The following CENPF variants were observed in gnomAD, a reference collection of about 807,000 sequenced individuals.
The protein encoded by CENPF is centromere protein F.
Under a neutral mutation model 307.3 loss-of-function variants are expected in CENPF, and 214 were observed. The observed-to-expected ratio is 0.70, with a 90% CI of 0.62 to 0.78. The LOEUF (loss-of-function observed/expected upper bound fraction) is 0.78. Among genes scored for constraint, CENPF ranks in the 30% least tolerant of loss-of-function variants. CENPF has a pLI of 0.00. For synonymous variants in CENPF, 1,259 were observed against 1,270.6 expected, an observed-to-expected ratio of 0.99 and a Z score of 0.19; for missense variants, 3,401 against 3,483.9, an observed-to-expected ratio of 0.98 and a Z score of 0.60.
chr1:214,622,743 A>AGAAAAAGGCCAGGCACCCGTGGTTTAC (rs1558174130), intron 7 of CENPF, among the ~76,000 whole-genome samples: 12 of 131,178 alleles, frequency 9.1e-5, no homozygotes, highest in African/African-American at 4.3e-4. Flanking sequence ...AGGGGGAAAA[A>AGAAAAAGGCCAGGCACCCGTGGTTTAC]AGATCGTATA....
At position 214,641,915 on chromosome 1, in the gene CENPF, C is replaced by T; in HGVS notation, c.3577C>T (p.Gln1193Ter). 1 of 1,591,718 alleles carries T rather than the reference C, an allele frequency of 6.3e-7. No individual in the cohort carries two copies. Among genetic ancestry groups the T allele is most frequent in the Non-Finnish European group, 8.5e-7 (1 of 1,173,126 alleles). The change falls in exon 12 of 20, where the codon CAG becomes TAG. Residue 1193 changes from glutamine (Q) to a stop codon, truncating the protein, a stop_gained. Transcript: ENST00000366955. LOFTEE classifies it high-confidence loss of function. ...SERNQCNFKP[Q>*]MDLEVKEISL... ...GAGAAATCAATGTAATTTTAAACCT[C>T]AGATGGATCTTGAAGTTAAAGAAAT...
intron 12 of CENPF, among the ~76,000 whole-genome samples, chr1:214,643,797 C>T (rs988820691): frequency 1.3e-5 from 2 of 152,202 alleles, no homozygotes; most frequent in African/African-American, 2.4e-5. Flanking sequence ...ACAGTTTTCT[C>T]TCTAACAATT....
chr1:214,641,566 A>G lies in CENPF; in HGVS notation c.3228A>G (p.Glu1076=), dbSNP rs776849517. The change falls in exon 12 of 20, where the codon GAA becomes GAG. Residue 1076 remains glutamate, a synonymous_variant. Coordinates refer to ENST00000366955, the MANE Select transcript of CENPF (RefSeq NM_016343.4). ...AAAATGAGTTGGAACAGCTAAAGGA[A>G]GCATTTGCAAAGGAACACCAAGAAT... is the stretch of plus-strand genomic sequence containing the variant. ...NRKNELEQLK[E]AFAKEHQEFL... 1 of 1,531,614 alleles carries G rather than the reference A, an allele frequency of 6.5e-7. No individual in the cohort carries two copies. The highest frequency in any genetic ancestry group is 8.7e-7 in the Non-Finnish European group (1 of 1,145,678). The allele number at this position is 1,531,614 out of a possible 1,614,324, so 94.9% of individuals were successfully genotyped here. A position where few individuals can be genotyped will look rare whatever the true frequency, so the allele number is the denominator to read the frequency against.
At chr1:214,606,230 C>T (rs995751649) in intron 1 of CENPF, among the ~76,000 whole-genome samples, 1 of 152,172 alleles carries the variant, frequency 6.6e-6, no homozygotes, top group Non-Finnish European at 1.5e-5. Context: ...ACACCAGTCC[C>T]GAGGGCCACC....
At position 214,641,056 on chromosome 1, in the gene CENPF, T is replaced by A. The variant is rs1658098147; in HGVS notation, c.2718T>A (p.Leu906=). Residue 906 remains leucine (L), a synonymous_variant, in exon 12 of 20, where the codon CTT becomes CTA. Coordinates refer to ENST00000366955, the MANE Select transcript of CENPF (RefSeq NM_016343.4). ...TTGTTGCTGAAACCTTAAGTGCCCT[T>A]GAGAACAAGGAAAAAGAGCTGCAAC... is the stretch of plus-strand genomic sequence containing the variant. ...QNVVAETLSA[L]ENKEKELQLL... 1.9e-6 allele frequency: 3 copies of A among 1,563,720 alleles called. No homozygotes were observed. The highest frequency in any genetic ancestry group is 2.6e-6 in the Non-Finnish European group (3 of 1,163,756).
intron 1 of CENPF, among the ~76,000 whole-genome samples, chr1:214,603,998 C>T (rs142834255): frequency 3.5e-4 from 54 of 152,190 alleles, no homozygotes; most frequent in African/African-American, 1.2e-3. Flanking sequence ...GCCTGTGTGC[C>T]CGGCTCGGCT....
chr1:214,619,311 A>G, intron 5 of CENPF, 91 bp downstream of exon 5: 1 of 677,878 alleles, frequency 1.5e-6, no homozygotes, highest in South Asian at 2.1e-5. Flanking sequence ...TCTGTTTTAC[A>G]TAGAGCTGGC....
intron 19 of CENPF, among the ~76,000 whole-genome samples, 197 bp from the exon 20 acceptor site, chr1:214,663,394 G>A (rs1658834279): frequency 1.3e-5 from 2 of 152,172 alleles, no homozygotes; most frequent in African/African-American, 2.4e-5. Flanking sequence ...CTGATGACTG[G>A]TTAGAGGTTG....
At chr1:214,604,621 C>T (rs1284032633) in intron 1 of CENPF, among the ~76,000 whole-genome samples, 3 of 152,182 alleles carry the variant, frequency 2.0e-5, no homozygotes, top group Non-Finnish European at 4.4e-5. Context: ...TTGGCTATAG[C>T]ATCTTGATGT....
chr1:214,625,093 T>A (rs1344461561), intron 7 of CENPF, among the ~76,000 whole-genome samples: 1 of 152,216 alleles, frequency 6.6e-6, no homozygotes, highest in Admixed American at 6.5e-5. Context: ...CCACTCCAGC[T>A]TTCCTTTGAT....
intron 1 of CENPF, chr1:214,605,629 T>G (rs1013199622): frequency 6.7e-6 from 10 of 1,490,100 alleles, no homozygotes; most frequent in Middle Eastern, 2.3e-4. Context: ...CGGGGTGAGG[T>G]CCGGGGGCTG....
rs747538970 is a variant in CENPF at position 214,658,888 on chromosome 1, A to G, written c.9001A>G (p.Ile3001Val). 2.5e-6 allele frequency: 4 copies of G among 1,613,942 alleles called. No individual in the cohort carries two copies. Among genetic ancestry groups the G allele is most frequent in the Middle Eastern group, 1.6e-4 (1 of 6,082 alleles). ...CCCGACAGGAAAGACTAGCCCATAT[A>G]TCCTGCGAAGAACAACCATGGCAAC... is the stretch of plus-strand genomic sequence containing the variant. ...DIPTGKTSPYILRRTTMATRT... is the reference protein window; with the variant it reads ...DIPTGKTSPYVLRRTTMATRT... The change falls in exon 19 of 20, where the codon ATC (isoleucine) becomes GTC (valine). Residue 3001 changes from isoleucine (I) to valine (V), a missense_variant. Physicochemically the swap from Ile to Val is conservative, Grantham distance 29. Coordinates refer to ENST00000366955, the MANE Select transcript of CENPF (RefSeq NM_016343.4).
chr1:214,612,588 G>A (rs984359126), intron 1 of CENPF, among the ~76,000 whole-genome samples: 1 of 152,078 alleles, frequency 6.6e-6, no homozygotes, highest in African/African-American at 2.4e-5. Context: ...GAAGGCAGAG[G>A]CCCCAGGCCA....
rs1015656360 is a variant in CENPF at position 214,640,364 on chromosome 1, A to G, written c.2026A>G (p.Ser676Gly). 2 of 1,614,004 alleles carry G rather than the reference A, an allele frequency of 1.2e-6. No individual in the cohort carries two copies. The highest frequency in any genetic ancestry group is 1.7e-6 in the Non-Finnish European group (2 of 1,180,018). ...RTLEMDRENLSVEIRNLHNVL... is the reference protein window; with the variant it reads ...RTLEMDRENLGVEIRNLHNVL... Reference sequence around the variant, plus strand: ...GCTGGAGATGGACAGAGAAAACCTAAGTGTCGAGATCAGAAACCTTCACAA... The same window carrying G: ...GCTGGAGATGGACAGAGAAAACCTAGGTGTCGAGATCAGAAACCTTCACAA... The change falls in exon 12 of 20, where the codon AGT becomes GGT. Residue 676 changes from serine (S) to glycine (G), a missense_variant. Physicochemically the swap from Ser to Gly is moderately conservative, Grantham distance 56. Coordinates refer to ENST00000366955, the MANE Select transcript of CENPF (RefSeq NM_016343.4).
At chr1:214,612,065 G>C (rs1315301931) in intron 1 of CENPF, among the ~76,000 whole-genome samples, 3 of 152,150 alleles carry the variant, frequency 2.0e-5, no homozygotes, top group African/African-American at 7.2e-5. Flanking sequence ...TTTCAAGGGG[G>C]GAATGCTTTC....
chr1:214,652,847 C>G lies in CENPF; in HGVS notation c.8180C>G (p.Thr2727Arg). The change falls in exon 16 of 20, where the codon ACA becomes AGA. Residue 2727 changes from threonine to arginine, a missense_variant. Coordinates refer to ENST00000366955, the MANE Select transcript of CENPF (RefSeq NM_016343.4). ...TNKQYEVEIQ[T>R]YREKLTSKEE... ...CTCTAGTATGAAGTAGAAATCCAGA[C>G]ATACCGAGAGAAATTGACTTCTAAA... The G allele has an allele frequency of 6.3e-7, 1 of 1,592,656 alleles. No individual in the cohort carries two copies. Among genetic ancestry groups the G allele is most frequent in the Non-Finnish European group, 8.5e-7 (1 of 1,174,332 alleles).
chr1:214,653,867 G>A (rs1396376289), intron 16 of CENPF: 1 of 152,150 alleles, frequency 6.6e-6, no homozygotes, highest in Non-Finnish European at 1.5e-5. Context: ...ATAATAGAAG[G>A]AAGTAGCACT....
At chr1:214,610,536 T>G (rs1657170357) in intron 1 of CENPF, among the ~76,000 whole-genome samples, 1 of 151,966 alleles carries the variant, frequency 6.6e-6, no homozygotes, top group Non-Finnish European at 1.5e-5. Context: ...TTAATGGGGT[T>G]GTTGTTTTTC....
intron 7 of CENPF, among the ~76,000 whole-genome samples, chr1:214,626,240 C>T (rs1657651720): frequency 6.6e-6 from 1 of 151,948 alleles, no homozygotes; most frequent in Non-Finnish European, 1.5e-5. Context: ...GTTGACAGTC[C>T]TTTTTTCCCA....
Sources: allele counts gnomAD v4.1 joint callset (sites outside exome capture counted in the v4.1 genomes callset), GRCh38; gene constraint gnomAD v4.1.1; transcripts MANE v1.5; gene names NCBI Gene and HGNC (gene_info 2026-07-23, HGNC 2026-07-21).